Variants in GRIA1 observed in about 807,000 individuals in gnomAD.
GRIA1 encodes the protein glutamate receptor 1.
In GRIA1, 31 loss-of-function variants were observed where a neutral mutation model predicts 99.2. The ratio of observed to expected loss-of-function variants is 0.31; its 90% confidence interval spans 0.23 to 0.42. The LOEUF (loss-of-function observed/expected upper bound fraction) is 0.42. Ranked by LOEUF, GRIA1 falls within the 10% of genes least tolerant of loss-of-function variation. The probability of loss-of-function intolerance (pLI) is 1.00; values close to 1 mark genes in which losing one functional copy is unlikely to be tolerated. For missense variants in GRIA1, 782 were observed against 1,157.5 expected (o/e 0.68, Z 4.71); for synonymous variants, 438 against 432.4 (o/e 1.01, Z -0.16).
intron 2 of GRIA1, among the ~76,000 whole-genome samples, chr5:153,612,205 T>C (rs1278474758): frequency 4.6e-5 from 7 of 152,102 alleles, no homozygotes; most frequent in Non-Finnish European, 1.0e-4. Context: ...TAGGAGAAAA[T>C]ATTTGAATAG....
intron 11 of GRIA1, among the ~76,000 whole-genome samples, chr5:153,707,919 G>A (rs1206236860): frequency 1.3e-5 from 2 of 152,074 alleles, no homozygotes; most frequent in African/African-American, 4.8e-5. Flanking sequence ...CAGGGGAAGG[G>A]CTTGCTTAAA....
intron 2 of GRIA1, among the ~76,000 whole-genome samples, chr5:153,620,231 CAT>C (rs1766903851): frequency 6.6e-6 from 1 of 151,862 alleles, no homozygotes; most frequent in African/African-American, 2.4e-5. Context: ...CACTGGAAAA[CAT>C]AGAAGGAACT....
chr5:153,693,097 G>A (rs886484199), intron 8 of GRIA1, among the ~76,000 whole-genome samples: 1 of 151,954 alleles, frequency 6.6e-6, no homozygotes, highest in African/African-American at 2.4e-5. Context: ...CACTTTTTTG[G>A]CTGAGGGTTC....
rs564427620 is a variant in GRIA1 at position 153,512,210 on chromosome 5, A to T, written c.220+18145A>T. ...AAATTAATTTTGCCCCAGGCCTTTA[A>T]CTGAGGGAACCAAATCTATTTATTA... On this transcript the variant is annotated intron_variant, in intron 2 of 15. Transcript: ENST00000285900. 6.6e-5 allele frequency among the ~76,000 whole-genome samples: 10 copies of T among 152,286 alleles called. No homozygotes were observed. In the South Asian group the frequency reaches 2.1e-3, roughly 32 times the overall value.
chr5:153,744,521 A>G (rs1273299477), intron 11 of GRIA1, among the ~76,000 whole-genome samples: 1 of 152,248 alleles, frequency 6.6e-6, no homozygotes, highest in African/African-American at 2.4e-5. Flanking sequence ...TTATTAGCTT[A>G]AGAAGTATTT....
In GRIA1 at chr5:153,696,855, G is replaced by GGTGTGTGT. The variant is rs1218399677; in HGVS notation, c.1135-1183_1135-1182insGTGTGTGT. ...ATAAGTATAGGAGGTATAGCTTTAG[G>GGTGTGTGT]GTGTGTATGTGTGTGTGTGTGTGTG... On this transcript the variant is annotated intron_variant, in intron 8 of 15. Coordinates refer to ENST00000285900, the MANE Select transcript of GRIA1 (RefSeq NM_000827.4). Among the ~76,000 whole-genome samples, 179 of 111,390 alleles carry GGTGTGTGT rather than the reference G, an allele frequency of 1.6e-3. 1 individual carries two copies. Among genetic ancestry groups the GGTGTGTGT allele is most frequent in the Middle Eastern group, 4.7e-3 (1 of 214 alleles). 73.1% of individuals were successfully genotyped at this position (111,390 alleles called of 152,430 possible). A position where few individuals can be genotyped will look rare whatever the true frequency, so the allele number is the denominator to read the frequency against.
chr5:153,668,896 G>A (rs1238416545), intron 5 of GRIA1, among the ~76,000 whole-genome samples: 1 of 152,180 alleles, frequency 6.6e-6, no homozygotes, highest in African/African-American at 2.4e-5. Flanking sequence ...GTCCCTCTTT[G>A]TCTGGAGCAA....
At chr5:153,808,395 A>T (rs978340351) in intron 15 of GRIA1, among the ~76,000 whole-genome samples, 2 of 150,102 alleles carry the variant, frequency 1.3e-5, no homozygotes, top group African/African-American at 4.9e-5. Context: ...GGGGGCGGGG[A>T]GTGGGGGGGA....
chr5:153,658,771 G>A (rs1755139025), intron 5 of GRIA1, among the ~76,000 whole-genome samples: 1 of 152,180 alleles, frequency 6.6e-6, no homozygotes, highest in African/African-American at 2.4e-5. Context: ...AAAGGAGGGA[G>A]CTACACTTTT....
At chr5:153,783,123 A>T (rs1252784246) in intron 13 of GRIA1, among the ~76,000 whole-genome samples, 1 of 152,146 alleles carries the variant, frequency 6.6e-6, no homozygotes, top group Non-Finnish European at 1.5e-5. Context: ...GACCCTGTGT[A>T]TTTAAAAGTC....
intron 7 of GRIA1, among the ~76,000 whole-genome samples, chr5:153,679,572 G>A (rs769209280): frequency 6.6e-6 from 1 of 152,248 alleles, no homozygotes; most frequent in Non-Finnish European, 1.5e-5. Flanking sequence ...GGGCCCAGGG[G>A]CCCTTGCTTA....
chr5:153,717,041 T>C (rs1036890870), intron 11 of GRIA1, among the ~76,000 whole-genome samples: 7 of 152,086 alleles, frequency 4.6e-5, no homozygotes, highest in Non-Finnish European at 8.8e-5. Context: ...TGAACAATAA[T>C]GGTTGTGCTA....
chr5:153,540,639 G>T (rs1474734445), intron 2 of GRIA1, among the ~76,000 whole-genome samples: 1 of 152,110 alleles, frequency 6.6e-6, no homozygotes, highest in Non-Finnish European at 1.5e-5. Flanking sequence ...TGACCAAGAT[G>T]AACAAGGTCT....
At chr5:153,712,174 C>A (rs1759359894) in intron 11 of GRIA1, among the ~76,000 whole-genome samples, 1 of 152,184 alleles carries the variant, frequency 6.6e-6, no homozygotes, top group Non-Finnish European at 1.5e-5. Context: ...GCCTCAGCCT[C>A]CCCAGTAGCT....
In GRIA1 at chr5:153,691,864, C is replaced by T. The variant is rs116435023; in HGVS notation, c.1134+5535C>T. On this transcript the variant is annotated intron_variant, in intron 8 of 15. Transcript: ENST00000285900. ...ACAAGGCTACTTTTCCACCACAAGA[C>T]GAGGACAATAATTTTCAAATATATA... Among the ~76,000 whole-genome samples, 1,460 of 152,256 alleles carry T rather than the reference C, an allele frequency of 9.6e-3. 25 individuals are homozygous for T. Among genetic ancestry groups the T allele is most frequent in the African/African-American group, 0.033 (1,384 of 41,542 alleles).
rs75120682 is a variant in GRIA1 at position 153,659,772 on chromosome 5, A to G, written c.699+3900A>G. On this transcript the variant is annotated intron_variant, in intron 5 of 15. Coordinates refer to ENST00000285900, the MANE Select transcript of GRIA1 (RefSeq NM_000827.4). Reference sequence around the variant, plus strand: ...TAGAATTTTACTGGAATGAAAGCACATATTTTAAAATTCTCATAGAGAACT... The same window carrying G: ...TAGAATTTTACTGGAATGAAAGCACGTATTTTAAAATTCTCATAGAGAACT... Among the ~76,000 whole-genome samples the G allele has an allele frequency of 5.3e-5, 8 of 152,326 alleles. No individual in the cohort carries two copies. The East Asian group carries it at 1.3e-3, about 26-fold the overall frequency.
intron 2 of GRIA1, among the ~76,000 whole-genome samples, chr5:153,611,917 C>T (rs906107822): frequency 3.3e-5 from 5 of 152,184 alleles, no homozygotes; most frequent in African/African-American, 9.7e-5. Context: ...GGAAAAGGTG[C>T]CAGACTGGGT....
chr5:153,498,630 G>A (rs975601998), intron 2 of GRIA1, among the ~76,000 whole-genome samples: 3 of 152,150 alleles, frequency 2.0e-5, no homozygotes, highest in Non-Finnish European at 2.9e-5. Context: ...GCTCTTGCCT[G>A]AACATGGCTC....
In GRIA1 at chr5:153,490,807, C is replaced by A; in HGVS notation, c.-82C>A. 1.0e-6 allele frequency: 1 copy of A among 992,986 alleles called. No individual in the cohort carries two copies. Among genetic ancestry groups the A allele is most frequent in the Non-Finnish European group, 1.6e-6 (1 of 613,460 alleles). 61.5% of individuals were successfully genotyped at this position (992,986 alleles called of 1,614,324 possible). A position where few individuals can be genotyped will look rare whatever the true frequency, so the allele number is the denominator to read the frequency against. ...AGGAGGAAAAGAACAGGCAGAACAG[C>A]GAGAAGAATAAAGGGAAAGGGGGGG... On this transcript the variant is annotated 5_prime_UTR_variant, in exon 1 of 16. Transcript: ENST00000285900.
Sources: allele counts gnomAD v4.1 joint callset (sites outside exome capture counted in the v4.1 genomes callset), GRCh38; gene constraint gnomAD v4.1.1; transcripts MANE v1.5; gene names NCBI Gene and HGNC (gene_info 2026-07-23, HGNC 2026-07-21).